ZPBP: variants seen among roughly 807,000 people sequenced by gnomAD.
ZPBP encodes zona pellucida-binding protein 1.
ZPBP carries 26 observed loss-of-function variants against 44.8 expected under a neutral mutation model. The observed-to-expected ratio is 0.58, with a 90% CI of 0.43 to 0.81. The LOEUF (loss-of-function observed/expected upper bound fraction) is 0.81, where lower values mean the gene tolerates loss of function less well. ZPBP is among the 30% of genes least tolerant of loss of function. ZPBP has a pLI of 0.00. For missense variants in ZPBP, 409 were observed against 434.0 expected, an observed-to-expected ratio of 0.94 and a Z score of 0.51; for synonymous variants, 174 against 153.2, an observed-to-expected ratio of 1.14 and a Z score of -1.00.
At chr7:49,965,556 G>C (rs951872336) in intron 7 of ZPBP, among the ~76,000 whole-genome samples, 1 of 152,016 alleles carries the variant, frequency 6.6e-6, no homozygotes, top group African/African-American at 2.4e-5. Flanking sequence ...AAATGGAAAT[G>C]GGTATACACC....
intron 4 of ZPBP, among the ~76,000 whole-genome samples, chr7:50,048,765 G>A (rs982474722): frequency 1.3e-5 from 2 of 151,360 alleles, no homozygotes; most frequent in South Asian, 2.1e-4. Flanking sequence ...TTTTATCTTC[G>A]GACAATGAAA....
chr7:49,950,180 AGT>A (rs1795277069), intron 7 of ZPBP, among the ~76,000 whole-genome samples: 1 of 151,982 alleles, frequency 6.6e-6, no homozygotes, highest in Non-Finnish European at 1.5e-5. Flanking sequence ...AAGTTTTAAT[AGT>A]GTTATAATCA....
chr7:49,995,727 C>G (rs1797798841), intron 6 of ZPBP, among the ~76,000 whole-genome samples: 1 of 152,116 alleles, frequency 6.6e-6, no homozygotes, highest in African/African-American at 2.4e-5. Context: ...TCAACAACAT[C>G]AATAAAACTG....
intron 7 of ZPBP, among the ~76,000 whole-genome samples, chr7:49,982,334 T>C (rs1422792277): frequency 1.6e-5 from 2 of 122,260 alleles, no homozygotes; most frequent in Non-Finnish European, 3.3e-5. Context: ...TTATATAATA[T>C]ATAATACATA....
At chr7:49,981,416 TA>T (rs1796914398) in intron 7 of ZPBP, among the ~76,000 whole-genome samples, 1 of 48,052 alleles carries the variant, frequency 2.1e-5, no homozygotes, top group Non-Finnish European at 3.7e-5. Context: ...ATATATATAA[TA>T]TATAATATAA....
At chr7:50,047,455 C>G (rs1800431211) in intron 4 of ZPBP, among the ~76,000 whole-genome samples, 1 of 151,956 alleles carries the variant, frequency 6.6e-6, no homozygotes, top group Non-Finnish European at 1.5e-5. Context: ...AGACCAGACA[C>G]AGAGTACATA....
In ZPBP at chr7:50,031,076, A is replaced by C. The variant is rs749826106; in HGVS notation, c.706+16T>G. On this transcript the variant is annotated intron_variant, in intron 5 of 7. Transcript: ENST00000046087. ...GTGTTCTCCATTTGCTTTTCTAACA[A>C]ATTGTATAGACTTACCTGAAAATGC... 1 of 1,611,708 alleles carries C rather than the reference A, an allele frequency of 6.2e-7. No homozygotes were observed. Among genetic ancestry groups the C allele is most frequent in the South Asian group, 1.1e-5 (1 of 90,882 alleles).
chr7:50,042,442 C>T (rs920682244), intron 4 of ZPBP, among the ~76,000 whole-genome samples: 1 of 152,210 alleles, frequency 6.6e-6, no homozygotes, highest in Admixed American at 6.5e-5. Context: ...CCCACAAAGG[C>T]GAGCCCATCA....
chr7:49,981,562 A>T (rs1476820403), intron 7 of ZPBP, among the ~76,000 whole-genome samples: 5 of 62,394 alleles, frequency 8.0e-5, no homozygotes, highest in African/African-American at 2.5e-4. Flanking sequence ...TAAATTATAT[A>T]TTATATAATT....
intron 2 of ZPBP, among the ~76,000 whole-genome samples, chr7:49,892,070 A>G (rs1055048114): frequency 3.1e-5 from 3 of 97,812 alleles, no homozygotes; most frequent in Non-Finnish European, 5.4e-5. Context: ...TTTGAGACGG[A>G]GTCTCGCTCT....
chr7:50,012,734 A>T (rs1315665815), intron 6 of ZPBP, among the ~76,000 whole-genome samples: 1 of 149,890 alleles, frequency 6.7e-6, no homozygotes, highest in African/African-American at 2.5e-5. Context: ...CAGGAGAAAG[A>T]AAAGGACACC....
At chr7:50,078,852 A>G (rs564426809) in intron 3 of ZPBP, among the ~76,000 whole-genome samples, 6 of 151,842 alleles carry the variant, frequency 4.0e-5, no homozygotes, top group Non-Finnish European at 7.4e-5. Context: ...AAGGAACTTA[A>G]CAAAACAAAC....
At chr7:49,946,125 C>G (rs1333280206) in intron 7 of ZPBP, among the ~76,000 whole-genome samples, 1 of 152,054 alleles carries the variant, frequency 6.6e-6, no homozygotes, top group Admixed American at 6.6e-5. Flanking sequence ...TTCATCCCCC[C>G]CTTTTTAGCT....
At chr7:49,865,323 A>G (rs780591812) in intron 2 of ZPBP, among the ~76,000 whole-genome samples, 5 of 152,314 alleles carry the variant, frequency 3.3e-5, no homozygotes, top group Non-Finnish European at 5.9e-5. Context: ...ATCCATTTTG[A>G]TATCTTTGAT....
chr7:49,880,737 C>T (rs1166181163), intron 2 of ZPBP, among the ~76,000 whole-genome samples: 6 of 151,890 alleles, frequency 4.0e-5, no homozygotes, highest in African/African-American at 1.5e-4. Flanking sequence ...ATGTAAATGA[C>T]GAGTTAACGG....
At chr7:49,978,076 T>G (rs1796609223) in intron 7 of ZPBP, among the ~76,000 whole-genome samples, 1 of 112,680 alleles carries the variant, frequency 8.9e-6, no homozygotes, top group African/African-American at 4.0e-5. Context: ...TGTTTTTGGT[T>G]TTTTGTTTTT....
At chr7:50,053,916 GTC>G (rs1800808320) in intron 4 of ZPBP, among the ~76,000 whole-genome samples, 1 of 152,092 alleles carries the variant, frequency 6.6e-6, no homozygotes, top group Non-Finnish European at 1.5e-5. Flanking sequence ...CTAAGGCAGA[GTC>G]TCACTCTGTC....
At chr7:50,002,699 G>A (rs1019975466) in intron 6 of ZPBP, among the ~76,000 whole-genome samples, 32 of 152,084 alleles carry the variant, frequency 2.1e-4, no homozygotes, top group African/African-American at 7.5e-4. Context: ...AAGCATAAAG[G>A]TCTTATCTTA....
intron 3 of ZPBP, among the ~76,000 whole-genome samples, chr7:50,075,763 A>C (rs903783534): frequency 2.6e-5 from 4 of 151,856 alleles, no homozygotes; most frequent in African/African-American, 9.7e-5. Context: ...CTTAATAAAA[A>C]CTCTCCAAGT....
Sources: allele counts gnomAD v4.1 joint callset (sites outside exome capture counted in the v4.1 genomes callset), GRCh38; gene constraint gnomAD v4.1.1; transcripts MANE v1.5; gene names NCBI Gene and HGNC (gene_info 2026-07-23, HGNC 2026-07-21).